MAP4K1: variants seen among roughly 807,000 people sequenced by gnomAD.
MAP4K1 encodes the protein MAPK/ERK kinase kinase kinase 1.
Under a neutral mutation model 122.8 loss-of-function variants are expected in MAP4K1, and 35 were observed. That is an observed-to-expected ratio of 0.29 (90% CI 0.22 to 0.38). The LOEUF is 0.38. MAP4K1 is among the 10% of genes least tolerant of loss of function. The pLI, the probability that MAP4K1 is intolerant of heterozygous loss-of-function variation, is 1.00. For synonymous variants in MAP4K1, 412 were observed against 421.3 expected, an observed-to-expected ratio of 0.98 and a Z score of 0.27; for missense variants, 791 against 1,072.6, an observed-to-expected ratio of 0.74 and a Z score of 3.67.
At chr19:38,599,903 C>A in intron 22 of MAP4K1, 22 bp downstream of exon 22, 1 of 1,613,600 alleles carries the variant, frequency 6.2e-7, no homozygotes. Flanking sequence ...GACCCCATCC[C>A]ACCTGCTACC....
chr19:38,593,247 TC>T (rs1974779401), intron 30 of MAP4K1, 34 bp downstream of exon 30: 1 of 1,596,810 alleles, frequency 6.3e-7, no homozygotes, highest in Non-Finnish European at 8.6e-7. Context: ...AGAAGCCCCC[TC>T]CCAGGTCCTT....
In MAP4K1 at chr19:38,597,362, T is replaced by C. The variant is rs751737960; in HGVS notation, c.1801A>G (p.Ile601Val). 7 of 1,614,042 alleles carry C rather than the reference T, an allele frequency of 4.3e-6. No homozygotes were observed. The highest frequency in any genetic ancestry group is 5.9e-6 in the Non-Finnish European group (7 of 1,180,036). ...LARKNMVSTK[I>V]QDTKGCRACC... ...GCCCGGCAGCCTTTGGTGTCCTGGATCTTGGTGGAAACCATGTTCTTCCTG... is the reference window on the plus strand; with the variant it reads ...GCCCGGCAGCCTTTGGTGTCCTGGACCTTGGTGGAAACCATGTTCTTCCTG... The change falls in exon 24 of 31, where the codon ATC becomes GTC. Residue 601 changes from isoleucine to valine, a missense_variant. Physicochemically the swap from Ile to Val is conservative, Grantham distance 29. This residue lies in a region of MAP4K1 where 267 missense variants were observed against 323.0 expected (regional missense o/e 0.83). Transcript: ENST00000396857. This position sits in a 1 kb window ranked among gnomAD's most constrained non-coding sequence, Gnocchi z 4.6.
intron 20 of MAP4K1, 136 bp from the exon 21 acceptor site, chr19:38,600,289 G>T: frequency 2.8e-6 from 2 of 717,088 alleles, no homozygotes; most frequent in Non-Finnish European, 4.7e-6. Flanking sequence ...AATACTCCCA[G>T]CCTCTGTTTC....
At chr19:38,595,613 C>T (rs1974850039) in intron 28 of MAP4K1, 27 bp downstream of exon 28, 2 of 1,614,020 alleles carry the variant, frequency 1.2e-6, no homozygotes, top group Non-Finnish European at 1.7e-6. Flanking sequence ...CACCCCTGAT[C>T]CTGGGCTCTC....
chr19:38,608,828 A>AAAAAAAAACAC (rs1555811720), intron 13 of MAP4K1, among the ~76,000 whole-genome samples: 2 of 137,138 alleles, frequency 1.5e-5, no homozygotes, highest in South Asian at 2.6e-4. Flanking sequence ...AAAAAAAAAA[A>AAAAAAAAACAC]ACATTAGCCA....
intron 29 of MAP4K1, among the ~76,000 whole-genome samples, chr19:38,594,157 G>A (rs1974804017): frequency 6.6e-6 from 1 of 152,138 alleles, no homozygotes; most frequent in Admixed American, 6.6e-5. Context: ...CAAGGTCACA[G>A]TAGTGGCCCA....
chr19:38,606,364 A>C, intron 16 of MAP4K1, 149 bp from the exon 17 acceptor site: 1 of 561,910 alleles, frequency 1.8e-6, no homozygotes, highest in South Asian at 2.4e-5. Flanking sequence ...AGAGGATTAA[A>C]GGATTAATAG....
At chr19:38,614,722 A>G (rs925251031) in intron 4 of MAP4K1, 1 of 479,256 alleles carries the variant, frequency 2.1e-6, no homozygotes, top group Non-Finnish European at 3.8e-6. Flanking sequence ...GGAGTCCGAG[A>G]CCAGCCTGGC....
intron 8 of MAP4K1, 110 bp from the exon 9 acceptor site, chr19:38,612,852 T>C: frequency 8.4e-7 from 1 of 1,191,130 alleles, no homozygotes; most frequent in East Asian, 2.4e-5. Context: ...GAGAGTCAGA[T>C]GGAGAGACAG....
intron 16 of MAP4K1, among the ~76,000 whole-genome samples, chr19:38,607,465 C>G (rs566514197): frequency 1.0e-4 from 15 of 146,956 alleles, no homozygotes; most frequent in Non-Finnish European, 2.1e-4. Flanking sequence ...GAGGCTGAGA[C>G]AGGAGAATCG....
Position 38,617,738 on chromosome 19 carries a change from G to A in MAP4K1, c.99+59C>T, listed in dbSNP as rs1975692682. 11 of 1,606,324 alleles carry A rather than the reference G, an allele frequency of 6.8e-6. No homozygotes were observed. The highest frequency in any genetic ancestry group is 3.3e-5 in the South Asian group (3 of 90,938). On this transcript the variant is annotated intron_variant, in intron 1 of 30. Transcript: ENST00000396857. This position sits in a 1 kb window ranked among gnomAD's most constrained non-coding sequence, Gnocchi z 4.1. ...CCCCTCTTGCAGCCTCCTCCCTGCCGAGGGCTTGCCTTAAAGGTCACTGGT... is the reference window on the plus strand; with the variant it reads ...CCCCTCTTGCAGCCTCCTCCCTGCCAAGGGCTTGCCTTAAAGGTCACTGGT...
At chr19:38,610,372 A>ATTTTTTTTTTTTTTTTTTTTTTTTTT (rs35103992) in intron 11 of MAP4K1, among the ~76,000 whole-genome samples, 1 of 76,178 alleles carries the variant, frequency 1.3e-5, no homozygotes, top group African/African-American at 6.0e-5. Flanking sequence ...CGCCCAGCTA[A>ATTTTTTTTTTTTTTTTTTTTTTTTTT]TTTTTTTTTT....
intron 19 of MAP4K1, among the ~76,000 whole-genome samples, chr19:38,602,767 T>C (rs1975133298): frequency 1.4e-5 from 2 of 145,280 alleles, no homozygotes; most frequent in African/African-American, 5.3e-5. Context: ...TATACGCATA[T>C]ACATATATAC....
intron 4 of MAP4K1, 51 bp downstream of exon 4, chr19:38,616,143 TG>T (rs1048057782): frequency 7.1e-6 from 9 of 1,275,882 alleles, no homozygotes; most frequent in South Asian, 1.3e-5. Flanking sequence ...GGGTCGGGGT[TG>T]GGGGGTGGGG....
Position 38,611,229 on chromosome 19 carries a change from TTA to T in MAP4K1, c.728+12_728+13del, listed in dbSNP as rs765492473. The T allele has an allele frequency of 9.3e-6, 15 of 1,611,950 alleles. No individual in the cohort carries two copies. The Admixed American group carries it at 2.5e-4, about 27-fold the overall frequency. On this transcript the variant is annotated intron_variant, in intron 10 of 30. Coordinates refer to ENST00000396857, the MANE Select transcript of MAP4K1 (RefSeq NM_001042600.3). ...CTGCCCTCTCTCACCCTCCCTCCTG[TTA>T]CTCTCTCGTACCATTTGCCTTTTTC...
rs371660603 is a variant in MAP4K1, at chr19:38,591,934, G to A, written c.2396+1348C>T. Among the ~76,000 whole-genome samples, 98 of 146,584 alleles carry A rather than the reference G, an allele frequency of 6.7e-4. 2 individuals carry two copies. The South Asian group carries it at 9.8e-3, about 15-fold the overall frequency. ...TGTGGTGAGCTGAAATCACGCCACC[G>A]CATTCCAGGCTGGGCAACAGAGCAA... On this transcript the variant is annotated intron_variant, in intron 30 of 30. Transcript: ENST00000396857.
chr19:38,609,201 C>T (rs1975422977), intron 13 of MAP4K1, among the ~76,000 whole-genome samples: 1 of 152,120 alleles, frequency 6.6e-6, no homozygotes, highest in Non-Finnish European at 1.5e-5. Flanking sequence ...GTGGCGCAAT[C>T]TTGGTTCACT....
At chr19:38,602,419 CACACACACACACATATATAT>C (rs1448699884) in intron 19 of MAP4K1, among the ~76,000 whole-genome samples, 2 of 151,108 alleles carry the variant, frequency 1.3e-5, no homozygotes, top group South Asian at 2.1e-4. Flanking sequence ...TAGACACACA[CACACACACACACATATATAT>C]ACACACACAC....
chr19:38,589,708 C>T (rs1974647889), intron 30 of MAP4K1, among the ~76,000 whole-genome samples: 1 of 152,158 alleles, frequency 6.6e-6, no homozygotes, highest in Non-Finnish European at 1.5e-5. Context: ...AGCCACCGCG[C>T]CCGACCGGTG....
Sources: gnomAD v4.1 joint callset for allele counts (sites outside exome capture counted in the v4.1 genomes callset) on GRCh38, gnomAD v4.1.1 for gene constraint, gnomAD v4.1.1 regional missense constraint, Gnocchi (gnomAD v3.1) non-coding constraint, MANE v1.5 for transcripts, NCBI Gene and HGNC (gene_info 2026-07-23, HGNC 2026-07-21) for gene names.